CAMTA1: variants seen among roughly 807,000 people sequenced by gnomAD.
The protein encoded by CAMTA1 is calmodulin-binding transcription activator 1.
In CAMTA1, 27 loss-of-function variants were observed where a neutral mutation model predicts 170.9. The observed-to-expected ratio is 0.16, with a 90% CI of 0.12 to 0.22. CAMTA1 has a LOEUF of 0.22. CAMTA1 is among the 10% of genes least tolerant of loss of function. The pLI, the probability that CAMTA1 is intolerant of heterozygous loss-of-function variation, is 1.00. For synonymous variants in CAMTA1, 833 were observed against 891.5 expected (o/e 0.93, Z 1.17); for missense variants, 1,619 against 2,217.2 (o/e 0.73, Z 5.42).
intron 4 of CAMTA1, among the ~76,000 whole-genome samples, chr1:7,212,086 A>G (rs1658875915): frequency 2.0e-5 from 3 of 152,220 alleles, no homozygotes; most frequent in Admixed American, 6.5e-5. Flanking sequence ...CCTACCAACT[A>G]TAGTTCAATG....
At chr1:7,269,391 G>A (rs1669366681) in intron 5 of CAMTA1, among the ~76,000 whole-genome samples, 1 of 152,180 alleles carries the variant, frequency 6.6e-6, no homozygotes, top group Non-Finnish European at 1.5e-5. Flanking sequence ...AATAGAGAAA[G>A]TTTGCTAGCA....
chr1:7,194,600 G>A (rs1655163219), intron 4 of CAMTA1, among the ~76,000 whole-genome samples: 1 of 152,186 alleles, frequency 6.6e-6, no homozygotes, highest in South Asian at 2.1e-4. Context: ...ATTGTGGTGA[G>A]CGTTACATCC....
intron 5 of CAMTA1, among the ~76,000 whole-genome samples, chr1:7,446,694 G>A (rs551199488): frequency 3.3e-5 from 5 of 152,340 alleles, no homozygotes; most frequent in East Asian, 1.9e-4. Context: ...GGGGCTGCCC[G>A]CTGGCTTAGG....
chr1:6,897,636 A>T (rs772169719), intron 3 of CAMTA1, among the ~76,000 whole-genome samples: 5 of 152,120 alleles, frequency 3.3e-5, no homozygotes, highest in Non-Finnish European at 7.4e-5. Context: ...TTTCCCACAG[A>T]GATTAATTAG....
rs1303619092 is a variant in CAMTA1 at position 7,216,440 on chromosome 1, G to A, written c.303-33051G>A. ...TCTGGTTTCTCTTGTACTGACAGCG[G>A]TGTGGTAAACACACTATTCTTAGTG... On this transcript the variant is annotated intron_variant, in intron 4 of 22. Transcript: ENST00000303635. The surrounding 1 kb of genome is among the most constrained non-coding windows in gnomAD (Gnocchi z 4.0). Among the ~76,000 whole-genome samples the A allele has an allele frequency of 6.6e-6, 1 of 151,772 alleles. No homozygotes were observed. Among genetic ancestry groups the A allele is most frequent in the South Asian group, 2.1e-4 (1 of 4,738 alleles).
chr1:7,480,065 TTG>T lies in CAMTA1; in HGVS notation c.510+12169_510+12170del, dbSNP rs1421591473. ...CATGTGTGAGTCCGTATGAGTGTGT[TTG>T]TGTGAGTGCATGTGTCCGTGTGTGT... On this transcript the variant is annotated intron_variant, in intron 6 of 22. Transcript: ENST00000303635. 4.9e-5 allele frequency among the ~76,000 whole-genome samples: 7 copies of T among 142,268 alleles called. 1 individual carries two copies. Among genetic ancestry groups the T allele is most frequent in the Non-Finnish European group, 1.1e-4 (7 of 65,862 alleles). 93.3% of individuals were successfully genotyped at this position (142,268 alleles called of 152,430 possible).
intron 4 of CAMTA1, among the ~76,000 whole-genome samples, chr1:7,191,750 C>T (rs1472914121): frequency 6.6e-6 from 1 of 152,162 alleles, no homozygotes; most frequent in East Asian, 1.9e-4. Flanking sequence ...GGAAGAAACG[C>T]TTTGTCATCG....
At chr1:7,630,812 G>A (rs1256405563) in intron 6 of CAMTA1, among the ~76,000 whole-genome samples, 4 of 152,206 alleles carry the variant, frequency 2.6e-5, no homozygotes, top group Admixed American at 6.5e-5. Context: ...GAAGTGGGGA[G>A]GTGTTCTGTG....
intron 5 of CAMTA1, among the ~76,000 whole-genome samples, chr1:7,337,230 C>T (rs1186242779): frequency 6.6e-6 from 1 of 152,170 alleles, no homozygotes; most frequent in South Asian, 2.1e-4. Flanking sequence ...GGACTAAGGA[C>T]CTGTGTCCAC....
At chr1:7,311,611 T>C (rs956914822) in intron 5 of CAMTA1, among the ~76,000 whole-genome samples, 3 of 150,518 alleles carry the variant, frequency 2.0e-5, no homozygotes, top group Non-Finnish European at 4.4e-5. Flanking sequence ...GTTTTTTTTT[T>C]CTAGTTGTTA....
chr1:7,003,231 G>T (rs1434024567), intron 3 of CAMTA1, among the ~76,000 whole-genome samples: 1 of 152,230 alleles, frequency 6.6e-6, no homozygotes, highest in Non-Finnish European at 1.5e-5. Flanking sequence ...AACTAAAGGA[G>T]AAGGGGCCAG....
rs142004476 is a variant in CAMTA1, at chr1:7,220,080, C to T, written c.303-29411C>T. 6.0e-3 allele frequency among the ~76,000 whole-genome samples: 910 copies of T among 152,254 alleles called. 5 individuals carry two copies. The highest frequency in any genetic ancestry group is 0.01 in the Non-Finnish European group (681 of 68,024). On this transcript the variant is annotated intron_variant, in intron 4 of 22. Coordinates refer to ENST00000303635, the MANE Select transcript of CAMTA1 (RefSeq NM_015215.4). ...CCACCCAGCCTCTGGTACTTTGTTA[C>T]GGAAGCCTGAGCTAACTCAGATGTC... is the stretch of plus-strand genomic sequence containing the variant.
intron 3 of CAMTA1, among the ~76,000 whole-genome samples, chr1:6,901,580 G>A (rs531214826): frequency 3.3e-5 from 5 of 152,288 alleles, no homozygotes; most frequent in African/African-American, 4.8e-5. Context: ...AGACATCTTA[G>A]GATACACAGA....
chr1:7,002,190 C>T (rs750129207), intron 3 of CAMTA1, among the ~76,000 whole-genome samples: 34 of 152,238 alleles, frequency 2.2e-4, no homozygotes, highest in East Asian at 7.7e-4. Flanking sequence ...CCACCGCACC[C>T]GGACTAAAAC....
chr1:7,549,209 C>A (rs1409090884), intron 6 of CAMTA1, among the ~76,000 whole-genome samples: 1 of 150,764 alleles, frequency 6.6e-6, no homozygotes, highest in Non-Finnish European at 1.5e-5. Flanking sequence ...GGAGGGTGCC[C>A]CCTTAGGGGT....
intron 6 of CAMTA1, among the ~76,000 whole-genome samples, chr1:7,494,809 AAAT>A (rs1369123375): frequency 6.6e-6 from 1 of 152,152 alleles, no homozygotes; most frequent in East Asian, 1.9e-4. Flanking sequence ...GTCTCAAAAA[AAAT>A]AATAAAAAAT....
intron 5 of CAMTA1, among the ~76,000 whole-genome samples, chr1:7,390,750 C>T (rs1449506559): frequency 5.9e-5 from 9 of 152,274 alleles, no homozygotes; most frequent in Admixed American, 3.3e-4. Flanking sequence ...TGCATTCCTA[C>T]GGGGCTTGCA....
intron 6 of CAMTA1, among the ~76,000 whole-genome samples, chr1:7,492,548 A>AAC (rs1301505505): frequency 2.6e-5 from 4 of 151,964 alleles, no homozygotes; most frequent in Admixed American, 6.6e-5. Context: ...TGAGGGCTTG[A>AAC]ACACACACAC....
chr1:6,789,711 G>A (rs931736954), intron 1 of CAMTA1, among the ~76,000 whole-genome samples: 12 of 150,668 alleles, frequency 8.0e-5, no homozygotes, highest in African/African-American at 2.9e-4. Flanking sequence ...CCGAGCTTCT[G>A]TTATGTACAA....
Sources: allele counts gnomAD v4.1 joint callset (sites outside exome capture counted in the v4.1 genomes callset), GRCh38; gene constraint gnomAD v4.1.1; non-coding constraint Gnocchi (gnomAD v3.1); transcripts MANE v1.5; gene names NCBI Gene and HGNC (gene_info 2026-07-23, HGNC 2026-07-21).